Variants in EPM2A observed in about 807,000 individuals in gnomAD.
EPM2A encodes the protein laforin.
A neutral mutation model predicts 26.5 loss-of-function variants in EPM2A; 21 were observed. That is an observed-to-expected ratio of 0.79 (90% CI 0.56 to 1.14). The LOEUF (loss-of-function observed/expected upper bound fraction) is 1.14. Among genes scored for constraint, EPM2A ranks in the 50% most tolerant of loss-of-function variants. EPM2A has a pLI of 0.00. For synonymous variants in EPM2A, 217 were observed against 177.6 expected, an observed-to-expected ratio of 1.22 and a Z score of -1.76; for missense variants, 458 against 440.8, an observed-to-expected ratio of 1.04 and a Z score of -0.35.
chr6:145,563,175 G>A (rs1201538189), intron 2 of EPM2A, among the ~76,000 whole-genome samples: 1 of 151,576 alleles, frequency 6.6e-6, no homozygotes, highest in East Asian at 2.0e-4. Context: ...GGGGCTGTAT[G>A]GTTCGACATT....
At chr6:145,408,604 C>A (rs1046607999) in intron 4 of EPM2A, among the ~76,000 whole-genome samples, 7 of 152,144 alleles carry the variant, frequency 4.6e-5, no homozygotes, top group African/African-American at 1.7e-4. Context: ...TACCTCATCC[C>A]AGTTAAGTCT....
chr6:145,635,450 A>G lies in EPM2A; in HGVS notation c.513T>C (p.Arg171=). The G allele has an allele frequency of 6.2e-7, 1 of 1,614,018 alleles. No individual in the cohort carries two copies. The highest frequency in any genetic ancestry group is 8.5e-7 in the Non-Finnish European group (1 of 1,179,836). The part of the protein sequence containing the change: ...LPNIWLGSCP[R]QVEHVTIKLK... ...GTTTGATGGTTACATGTTCCACCTG[A>G]CGAGGGCAGCTACCCAGCCAGATAT... The change falls in exon 3 of 4, where the codon CGT becomes CGC. Residue 171 remains arginine (R), a synonymous_variant. Transcript: ENST00000367519.
chr6:145,437,269 C>T (rs1448706879), intron 4 of EPM2A, among the ~76,000 whole-genome samples: 1 of 152,124 alleles, frequency 6.6e-6, no homozygotes, highest in South Asian at 2.1e-4. Flanking sequence ...TCCCCTTCGC[C>T]TTCTCCCATG....
chr6:145,410,747 C>T (rs1253050563), intron 4 of EPM2A, among the ~76,000 whole-genome samples: 3 of 152,236 alleles, frequency 2.0e-5, no homozygotes, highest in East Asian at 3.9e-4. Flanking sequence ...GGTGGTAAGA[C>T]AATATGCTTG....
At chr6:145,586,199 AT>A (rs1472474324) in intron 2 of EPM2A, among the ~76,000 whole-genome samples, 1 of 152,196 alleles carries the variant, frequency 6.6e-6, no homozygotes, top group African/African-American at 2.4e-5. Context: ...TTTGCTTCTC[AT>A]CCCTTAGGGG....
chr6:145,696,414 A>C (rs1313599855), intron 1 of EPM2A, among the ~76,000 whole-genome samples: 1 of 152,182 alleles, frequency 6.6e-6, no homozygotes, highest in Non-Finnish European at 1.5e-5. Flanking sequence ...AGTAGCTAAG[A>C]GTATAAATTT....
chr6:145,685,973 A>T (rs1780872510), intron 2 of EPM2A, 149 bp downstream of exon 2: 1 of 708,664 alleles, frequency 1.4e-6, no homozygotes, highest in African/African-American at 1.8e-5. Flanking sequence ...TCACACACTG[A>T]TTCACTGTAA....
chr6:145,579,854 C>T (rs1476009798), intron 2 of EPM2A, among the ~76,000 whole-genome samples: 4 of 151,984 alleles, frequency 2.6e-5, no homozygotes. Context: ...TAATTCTGTA[C>T]TGTTATTTTA....
At chr6:145,453,473 G>A (rs944863495) in intron 4 of EPM2A, among the ~76,000 whole-genome samples, 2 of 151,470 alleles carry the variant, frequency 1.3e-5, no homozygotes, top group African/African-American at 2.4e-5. Context: ...CTGTCATGTG[G>A]GTTTTTTTAA....
intron 2 of EPM2A, among the ~76,000 whole-genome samples, chr6:145,557,068 C>T (rs1201938709): frequency 1.3e-5 from 2 of 152,092 alleles, no homozygotes; most frequent in African/African-American, 2.4e-5. Flanking sequence ...AGCAGATTAT[C>T]TGTGCATATT....
At chr6:145,576,361 T>A (rs1001734750) in intron 2 of EPM2A, among the ~76,000 whole-genome samples, 2 of 132,292 alleles carry the variant, frequency 1.5e-5, no homozygotes, top group Non-Finnish European at 3.5e-5. Flanking sequence ...GAAAATAGTC[T>A]GGAAATGAGG....
chr6:145,690,974 A>AT (rs1252582901), intron 1 of EPM2A, among the ~76,000 whole-genome samples: 45 of 151,584 alleles, frequency 3.0e-4, no homozygotes, highest in African/African-American at 1.1e-3. Flanking sequence ...AGTAGGCTGA[A>AT]TTAAAAAAAA....
intron 2 of EPM2A, among the ~76,000 whole-genome samples, chr6:145,518,965 G>C (rs910760263): frequency 6.6e-6 from 1 of 152,132 alleles, no homozygotes; most frequent in East Asian, 1.9e-4. Context: ...AGTAAAGTTT[G>C]AGTCCAAAAC....
intron 4 of EPM2A, among the ~76,000 whole-genome samples, chr6:145,484,864 G>A (rs1222757325): frequency 6.6e-6 from 1 of 151,310 alleles, no homozygotes; most frequent in African/African-American, 2.4e-5. Context: ...CAGTGATAAA[G>A]ACTAAGGCAG....
At chr6:145,696,973 C>G (rs912433710) in intron 1 of EPM2A, among the ~76,000 whole-genome samples, 1 of 152,058 alleles carries the variant, frequency 6.6e-6, no homozygotes, top group African/African-American at 2.4e-5. Flanking sequence ...AAAAAATGAG[C>G]CACACAGCCT....
At chr6:145,521,447 A>C (rs1780200748) in intron 2 of EPM2A, among the ~76,000 whole-genome samples, 2 of 152,260 alleles carry the variant, frequency 1.3e-5, no homozygotes, top group South Asian at 4.1e-4. Context: ...AAATGTGACC[A>C]GTTGCCATGG....
At chr6:145,709,549 G>A (rs1782422662) in intron 1 of EPM2A, among the ~76,000 whole-genome samples, 1 of 152,120 alleles carries the variant, frequency 6.6e-6, no homozygotes. Context: ...GGCCTCCCCA[G>A]CCATGTGGAA....
In EPM2A at chr6:145,491,884, A is replaced by G. The variant is rs191609357; in HGVS notation, c.555+10638T>C. 3.7e-4 allele frequency: 187 copies of G among 506,370 alleles called. 2 individuals carry two copies. In the Admixed American group the frequency reaches 4.0e-3, roughly 11 times the overall value. The allele number at this position is 506,370 out of a possible 1,614,324, so 31.4% of individuals were successfully genotyped here. On this transcript the variant is annotated intron_variant, in intron 4 of 4. Transcript: ENST00000638717. Reference sequence around the variant, plus strand: ...TTTACCAACAACTTCTATCTCCACCAAAGGTTCCTGGGTAAATTGAAAGAA... The same window carrying G: ...TTTACCAACAACTTCTATCTCCACCGAAGGTTCCTGGGTAAATTGAAAGAA...
intron 2 of EPM2A, among the ~76,000 whole-genome samples, chr6:145,507,616 C>A (rs1376418300): frequency 6.6e-6 from 1 of 152,202 alleles, no homozygotes; most frequent in Non-Finnish European, 1.5e-5. Context: ...CAGGCTTATA[C>A]AAAGGCAGTC....
Sources: allele counts gnomAD v4.1 joint callset (sites outside exome capture counted in the v4.1 genomes callset), GRCh38; gene constraint gnomAD v4.1.1; transcripts MANE v1.5; gene names NCBI Gene and HGNC (gene_info 2026-07-23, HGNC 2026-07-21).